The following GPSM1 variants were observed in gnomAD, a reference collection of about 807,000 sequenced individuals.
GPSM1 encodes the protein G protein signaling modulator 1, also known as G protein-signaling modulator 1.
In GPSM1, 48 loss-of-function variants were observed where a neutral mutation model predicts 70.5. The observed-to-expected ratio is 0.68, with a 90% CI of 0.54 to 0.87. The LOEUF (loss-of-function observed/expected upper bound fraction) is 0.87. Ranked by LOEUF, GPSM1 falls within the 40% of genes least tolerant of loss-of-function variation. The pLI, the probability that GPSM1 is intolerant of heterozygous loss-of-function variation, is 0.00. For missense variants in GPSM1, 981 were observed against 972.6 expected (o/e 1.01, Z -0.11); for synonymous variants, 416 against 430.1 (o/e 0.97, Z 0.41).
Position 136,327,714 on chromosome 9 carries a change from CCCGCGGCCGACGAGCTCCCGGGCCCGG to C in GPSM1, c.24_50del (p.Ala9_Ala17del). 8.5e-7 allele frequency: 1 copy of C among 1,171,272 alleles called. No homozygotes were observed. Among genetic ancestry groups the C allele is most frequent in the Non-Finnish European group, 1.1e-6 (1 of 950,586 alleles). 72.6% of individuals were successfully genotyped at this position (1,171,272 alleles called of 1,614,324 possible). Reference sequence around the variant, plus strand: ...CCGACCCATGGCGGGCCCGGCCCCGCCCGCGGCCGACGAGCTCCCGGGCCCGGCCGCCAGGCGCCTCTACTCCAGGTA... The same window carrying C: ...CCGACCCATGGCGGGCCCGGCCCCGCCCGCCAGGCGCCTCTACTCCAGGTA... On this transcript the variant is annotated inframe_deletion, in exon 1 of 14. Coordinates refer to ENST00000440944, the MANE Select transcript of GPSM1 (RefSeq NM_001145638.3).
rs1218752747 is a variant in GPSM1 at position 136,336,908 on chromosome 9, G to T, written c.427-13G>T. On this transcript the variant is annotated splice_polypyrimidine_tract_variant and intron_variant, in intron 3 of 13. Transcript: ENST00000440944. ...CGTGGAGGCATGCCCCCAACCCTCC[G>T]TACTGCCCACAGGTTGGGGAGGCGA... 7.7e-6 allele frequency: 12 copies of T among 1,550,854 alleles called. No individual in the cohort carries two copies. The highest frequency in any genetic ancestry group is 1.0e-5 in the Non-Finnish European group (12 of 1,147,252).
In GPSM1 at chr9:136,357,990, G is replaced by A. The variant is rs782586560; in HGVS notation, c.1822-24G>A. 29 of 1,598,760 alleles carry A rather than the reference G, an allele frequency of 1.8e-5. 2 individuals are homozygous for A. Among genetic ancestry groups the A allele is most frequent in the South Asian group, 1.3e-4 (12 of 90,774 alleles). On this transcript the variant is annotated intron_variant, in intron 13 of 13. Coordinates refer to ENST00000440944, the MANE Select transcript of GPSM1 (RefSeq NM_001145638.3). ...CCACTGGGGCTGGGGGGGTGAGGCC[G>A]CCAACTGCACTGTGTCCACCCAGTC...
At chr9:136,351,775 G>A (rs1832668879) in intron 11 of GPSM1, among the ~76,000 whole-genome samples, 1 of 152,264 alleles carries the variant, frequency 6.6e-6, no homozygotes, top group Non-Finnish European at 1.5e-5. Context: ...CAGACAAACG[G>A]GGTTCCCAGG....
Position 136,343,278 on chromosome 9 carries a change from G to T in GPSM1, c.1207+2285G>T, listed in dbSNP as rs978491394. Among the ~76,000 whole-genome samples the T allele has an allele frequency of 6.6e-6, 1 of 151,828 alleles. No homozygotes were observed. Among genetic ancestry groups the T allele is most frequent in the Non-Finnish European group, 1.5e-5 (1 of 67,898 alleles). ...GCTGCCCACCCCCCACCCCAGCAAG[G>T]GTGCCAGGCAGGACGGAGGCTCTGC... On this transcript the variant is annotated intron_variant, in intron 9 of 13. Transcript: ENST00000440944. This position sits in a 1 kb window ranked among gnomAD's most constrained non-coding sequence, Gnocchi z 6.0.
chr9:136,330,954 G>A (rs1292048949), intron 1 of GPSM1, among the ~76,000 whole-genome samples: 1 of 152,158 alleles, frequency 6.6e-6, no homozygotes, highest in African/African-American at 2.4e-5. Context: ...GGACCCCTGA[G>A]CCCACAAGGC....
At chr9:136,354,592 T>C (rs1262434688) in intron 11 of GPSM1, among the ~76,000 whole-genome samples, 1 of 151,762 alleles carries the variant, frequency 6.6e-6, no homozygotes, top group Non-Finnish European at 1.5e-5. Flanking sequence ...GGTCGGGAGG[T>C]GGACGGGGCT....
chr9:136,355,992 C>T (rs1474871365), intron 12 of GPSM1, 146 bp downstream of exon 12: 3 of 657,982 alleles, frequency 4.6e-6, no homozygotes, highest in African/African-American at 1.8e-5. Flanking sequence ...GCGCCCTCCG[C>T]AGCCCCCACA....
chr9:136,345,594 A>G (rs927075371), intron 9 of GPSM1, among the ~76,000 whole-genome samples: 15 of 152,328 alleles, frequency 9.8e-5, no homozygotes, highest in Admixed American at 5.2e-4. Context: ...GCCTGGCAGA[A>G]GCAGCTGTGC....
chr9:136,334,495 C>T lies in GPSM1; in HGVS notation c.117C>T (p.Cys39=). The T allele has an allele frequency of 6.2e-7, 1 of 1,613,126 alleles. No individual in the cohort carries two copies. The highest frequency in any genetic ancestry group is 1.7e-5 in the Admixed American group (1 of 60,016). Residue 39 remains cysteine, a synonymous_variant, in exon 2 of 14, where the codon TGC becomes TGT. Coordinates refer to ENST00000440944, the MANE Select transcript of GPSM1 (RefSeq NM_001145638.3). ...TGGCGCTGGAGGGCGAGCGTCTGTG[C>T]AAGGCGGGCGACTTCAAGACAGGCG... ...LELALEGERL[C]KAGDFKTGVA...
Position 136,341,591 on chromosome 9 carries a change from C to G in GPSM1, c.1207+598C>G. On this transcript the variant is annotated intron_variant, in intron 9 of 13. Coordinates refer to ENST00000440944, the MANE Select transcript of GPSM1 (RefSeq NM_001145638.3). This position sits in a 1 kb window ranked among gnomAD's most constrained non-coding sequence, Gnocchi z 6.7. ...GGTGGTGCCAGGTTGGGCCGACTTC[C>G]TGAGGTGGCTGGCAGGTGGGTGAGG... is the stretch of plus-strand genomic sequence containing the variant. 1 of 1,016,102 alleles carries G rather than the reference C, an allele frequency of 9.8e-7. No individual in the cohort carries two copies. Among genetic ancestry groups the G allele is most frequent in the South Asian group, 4.0e-5 (1 of 25,274 alleles). The allele number at this position is 1,016,102 out of a possible 1,614,324, so 62.9% of individuals were successfully genotyped here.
rs551698221 is a variant in GPSM1, at chr9:136,341,088, C to T, written c.1207+95C>T. 2.3e-5 allele frequency: 36 copies of T among 1,550,172 alleles called. No homozygotes were observed. Among genetic ancestry groups the T allele is most frequent in the African/African-American group, 8.2e-5 (6 of 73,132 alleles). On this transcript the variant is annotated intron_variant, in intron 9 of 13. Transcript: ENST00000440944. The surrounding 1 kb of genome is among the most constrained non-coding windows in gnomAD (Gnocchi z 6.7). ...TGGGATCGAGGCCAGGCCAGCATGG[C>T]GGAGGTGGCAGCCGCCAGAAAATGG...
intron 7 of GPSM1, 34 bp downstream of exon 7, chr9:136,338,744 C>G: frequency 6.6e-7 from 1 of 1,519,684 alleles, no homozygotes; most frequent in Non-Finnish European, 8.8e-7. Flanking sequence ...GCAGACCCGG[C>G]CCGGCCCACA....
chr9:136,348,631 T>A, intron 9 of GPSM1, 66 bp from the exon 10 acceptor site: 1 of 1,264,478 alleles, frequency 7.9e-7, no homozygotes, highest in Non-Finnish European at 1.1e-6. Flanking sequence ...CCAGAGACTC[T>A]GGCCTGGCCC....
intron 1 of GPSM1, among the ~76,000 whole-genome samples, chr9:136,331,356 G>C (rs1192087680): frequency 7.0e-6 from 1 of 142,956 alleles, no homozygotes; most frequent in Non-Finnish European, 1.5e-5. Context: ...GCATGGTGAG[G>C]ACTCTGAGCC....
rs782310547 is a variant in GPSM1 at position 136,336,942 on chromosome 9, T to C, written c.448T>C (p.Tyr150His). The change falls in exon 4 of 14, where the codon TAC (tyrosine) becomes CAC (histidine). Residue 150 changes from tyrosine (Y) to histidine (H), a missense_variant. Coordinates refer to ENST00000440944, the MANE Select transcript of GPSM1 (RefSeq NM_001145638.3). ...GDKVGEARAL[Y>H]NIGNVYHAKG... ...ACAGGTTGGGGAGGCGAGGGCCCTCTACAACATCGGGAACGTGTACCACGC... is the reference window on the plus strand; with the variant it reads ...ACAGGTTGGGGAGGCGAGGGCCCTCCACAACATCGGGAACGTGTACCACGC... 6.4e-5 allele frequency: 99 copies of C among 1,557,046 alleles called. No individual in the cohort carries two copies. In the South Asian group the frequency reaches 1.1e-3, roughly 18 times the overall value.
chr9:136,341,358 T>A lies in GPSM1; in HGVS notation c.1207+365T>A, dbSNP rs1382190775. On this transcript the variant is annotated intron_variant, in intron 9 of 13. Transcript: ENST00000440944. The surrounding 1 kb of genome is among the most constrained non-coding windows in gnomAD (Gnocchi z 6.7). ...AGGGCTGCTGGGAGGCGAGAGGGCA[T>A]CAGCCAGAGGGCTGGGCTGGGCTGG... 2 of 1,421,794 alleles carry A rather than the reference T, an allele frequency of 1.4e-6. No homozygotes were observed. Among genetic ancestry groups the A allele is most frequent in the Admixed American group, 3.0e-5 (1 of 33,408 alleles). 88.1% of individuals were successfully genotyped at this position (1,421,794 alleles called of 1,614,324 possible).
chr9:136,346,854 G>A (rs1832535167), intron 9 of GPSM1, among the ~76,000 whole-genome samples: 1 of 152,228 alleles, frequency 6.6e-6, no homozygotes, highest in African/African-American at 2.4e-5. Context: ...TGCCTGAAAT[G>A]ACCGAGTGAC....
chr9:136,333,542 G>T (rs1338421689), intron 1 of GPSM1, among the ~76,000 whole-genome samples: 1 of 152,204 alleles, frequency 6.6e-6, no homozygotes, highest in Non-Finnish European at 1.5e-5. Context: ...GTTGTGCAGG[G>T]CCCAGGGTGA....
At chr9:136,338,113 A>G in intron 6 of GPSM1, 152 bp downstream of exon 6, 1 of 617,906 alleles carries the variant, frequency 1.6e-6, no homozygotes, top group East Asian at 2.8e-5. Context: ...CGGGAAGGGC[A>G]GACGGACAAA....
Sources: gnomAD v4.1 joint callset for allele counts (sites outside exome capture counted in the v4.1 genomes callset) on GRCh38, gnomAD v4.1.1 for gene constraint, Gnocchi (gnomAD v3.1) non-coding constraint, MANE v1.5 for transcripts, NCBI Gene and HGNC (gene_info 2026-07-23, HGNC 2026-07-21) for gene names.